The following AGO2 variants were observed in gnomAD, a reference collection of about 807,000 sequenced individuals.
AGO2 encodes protein argonaute-2.
AGO2 carries 5 observed loss-of-function variants against 102.3 expected under a neutral mutation model. The observed-to-expected ratio is 0.05, with a 90% CI of 0.03 to 0.10. AGO2 has a LOEUF of 0.10. Among genes scored for constraint, AGO2 ranks in the 10% least tolerant of loss-of-function variants. AGO2 has a pLI of 1.00. For synonymous variants in AGO2, 449 were observed against 473.1 expected, an observed-to-expected ratio of 0.95 and a Z score of 0.66; for missense variants, 541 against 1,183.7, an observed-to-expected ratio of 0.46 and a Z score of 7.97.
At chr8:140,548,175 G>A (rs915436723) in intron 12 of AGO2, among the ~76,000 whole-genome samples, 2 of 152,110 alleles carry the variant, frequency 1.3e-5, no homozygotes, top group African/African-American at 4.8e-5. Context: ...AATTAGCCGG[G>A]CATGGCAGTG....
intron 3 of AGO2, among the ~76,000 whole-genome samples, chr8:140,564,709 G>C (rs1181536979): frequency 6.6e-6 from 1 of 152,008 alleles, no homozygotes; most frequent in African/African-American, 2.4e-5. Context: ...TTGGGAGGCT[G>C]AGGCAGATGG....
chr8:140,593,612 T>C (rs2073777866), intron 1 of AGO2, among the ~76,000 whole-genome samples: 1 of 150,834 alleles, frequency 6.6e-6, no homozygotes, highest in Non-Finnish European at 1.5e-5. Flanking sequence ...CCTAGATACC[T>C]AGTACTTTTC....
intron 1 of AGO2, among the ~76,000 whole-genome samples, chr8:140,601,501 G>A (rs1443956452): frequency 6.6e-6 from 1 of 152,228 alleles, no homozygotes; most frequent in Non-Finnish European, 1.5e-5. Flanking sequence ...TTAGAATCAT[G>A]CCTGGCAAGT....
rs369362460 is a variant in AGO2, at chr8:140,572,778, T to C, written c.336+34A>G. The C allele has an allele frequency of 2.5e-6, 4 of 1,601,654 alleles. No homozygotes were observed. In the African/African-American group the frequency reaches 5.4e-5, roughly 22 times the overall value. ...CATGTGTGAGCTTTACTTCACCGTA[T>C]GTTACTCCACCAAGGGCATCCCGGC... is the stretch of plus-strand genomic sequence containing the variant. On this transcript the variant is annotated intron_variant, in intron 3 of 18. Transcript: ENST00000220592.
intron 17 of AGO2, among the ~76,000 whole-genome samples, chr8:140,533,112 G>A (rs976879094): frequency 6.6e-6 from 1 of 151,758 alleles, no homozygotes; most frequent in Non-Finnish European, 1.5e-5. Context: ...AAAGCAGGCT[G>A]GGCCCGGTGG....
chr8:140,599,839 G>A (rs1286433020), intron 1 of AGO2, among the ~76,000 whole-genome samples: 1 of 151,964 alleles, frequency 6.6e-6, no homozygotes, highest in African/African-American at 2.4e-5. Context: ...CTCCTGCCTC[G>A]GCCTCCAGAA....
At chr8:140,600,946 C>T (rs572476059) in intron 1 of AGO2, among the ~76,000 whole-genome samples, 34 of 151,968 alleles carry the variant, frequency 2.2e-4, no homozygotes, top group Admixed American at 1.3e-4. Flanking sequence ...AAAAAAAACC[C>T]GAATTCGAAT....
intron 1 of AGO2, among the ~76,000 whole-genome samples, chr8:140,612,131 G>A (rs561054752): frequency 1.1e-4 from 17 of 149,340 alleles, no homozygotes; most frequent in African/African-American, 4.2e-4. Flanking sequence ...GCTGAGGCAG[G>A]AGAATCGCTT....
At chr8:140,584,561 A>T (rs2073618765) in intron 2 of AGO2, among the ~76,000 whole-genome samples, 1 of 152,244 alleles carries the variant, frequency 6.6e-6, no homozygotes, top group Non-Finnish European at 1.5e-5. Context: ...CTTATTCATA[A>T]TGGCCACAGC....
chr8:140,547,639 G>C lies in AGO2; in HGVS notation c.1589-12C>G. 6.2e-7 allele frequency: 1 copy of C among 1,608,148 alleles called. No individual in the cohort carries two copies. The highest frequency in any genetic ancestry group is 8.5e-7 in the Non-Finnish European group (1 of 1,176,918). On this transcript the variant is annotated splice_polypyrimidine_tract_variant and intron_variant, in intron 12 of 18. Coordinates refer to ENST00000220592, the MANE Select transcript of AGO2 (RefSeq NM_012154.5). ...GCGCTTGACCTCGGCTAAGGGACAT[G>C]AGAGGCACACACAGCTCTGCCGGCG...
At chr8:140,597,556 T>C (rs2073867001) in intron 1 of AGO2, among the ~76,000 whole-genome samples, 1 of 140,216 alleles carries the variant, frequency 7.1e-6, no homozygotes, top group Non-Finnish European at 1.5e-5. Flanking sequence ...CAAGCCTGAA[T>C]CTTGAGGATG....
chr8:140,562,658 G>T (rs1260548352), intron 3 of AGO2, 24 bp from the exon 4 acceptor site: 1 of 1,606,546 alleles, frequency 6.2e-7, no homozygotes, highest in South Asian at 1.1e-5. Context: ...AGGCACACAA[G>T]GTTACTCCCT....
chr8:140,626,777 A>C (rs1265854872), intron 1 of AGO2: 1 of 151,648 alleles, frequency 6.6e-6, no homozygotes, highest in Non-Finnish European at 1.5e-5. Context: ...CCCTCTCATC[A>C]CTCTTGGCAT....
At chr8:140,560,289 C>T in intron 5 of AGO2, 85 bp downstream of exon 5, 1 of 1,548,736 alleles carries the variant, frequency 6.5e-7, no homozygotes, top group Non-Finnish European at 8.7e-7. Context: ...TGGAGCTGGC[C>T]ACATGCCACC....
At chr8:140,542,097 C>T (rs1337479971) in intron 14 of AGO2, among the ~76,000 whole-genome samples, 4 of 152,192 alleles carry the variant, frequency 2.6e-5, no homozygotes, top group East Asian at 3.9e-4. Context: ...AAGGTGCCAG[C>T]CATGAAGAGG....
At chr8:140,565,024 C>G (rs1226192857) in intron 3 of AGO2, among the ~76,000 whole-genome samples, 4 of 152,062 alleles carry the variant, frequency 2.6e-5, no homozygotes, top group African/African-American at 4.8e-5. Context: ...ATCCCAGCTA[C>G]TTGGGAGGCT....
At chr8:140,610,992 GAC>G (rs745714841) in intron 1 of AGO2, among the ~76,000 whole-genome samples, 1 of 152,240 alleles carries the variant, frequency 6.6e-6, no homozygotes, top group Non-Finnish European at 1.5e-5. Context: ...GGATTAAGTA[GAC>G]ACGCGCGCAT....
chr8:140,600,490 G>A (rs1313000755), intron 1 of AGO2, among the ~76,000 whole-genome samples: 2 of 152,196 alleles, frequency 1.3e-5, no homozygotes, highest in Non-Finnish European at 2.9e-5. Flanking sequence ...AGACCAGCCT[G>A]ACCAACATGG....
At chr8:140,608,950 C>T (rs1192034488) in intron 1 of AGO2, among the ~76,000 whole-genome samples, 1 of 152,224 alleles carries the variant, frequency 6.6e-6, no homozygotes, top group South Asian at 2.1e-4. Flanking sequence ...GCCACAGGCC[C>T]TCCCCACCCA....
Sources: gnomAD v4.1 joint callset for allele counts (sites outside exome capture counted in the v4.1 genomes callset) on GRCh38, gnomAD v4.1.1 for gene constraint, MANE v1.5 for transcripts, NCBI Gene and HGNC (gene_info 2026-07-23, HGNC 2026-07-21) for gene names.